Variants in DENND1B observed in about 807,000 individuals in gnomAD.
The protein encoded by DENND1B is DENN domain containing 1B, also known as DENN domain-containing protein 1B.
DENND1B carries 59 observed loss-of-function variants against 90.1 expected under a neutral mutation model. That is an observed-to-expected ratio of 0.65 (90% CI 0.53 to 0.81). The LOEUF (loss-of-function observed/expected upper bound fraction) is 0.81, where lower values mean the gene tolerates loss of function less well. DENND1B is among the 40% of genes least tolerant of loss of function. The pLI is 0.00. For missense variants in DENND1B, 862 were observed against 912.6 expected (o/e 0.94, Z 0.71); for synonymous variants, 337 against 324.6 (o/e 1.04, Z -0.41).
chr1:197,623,495 AAATT>A, intron 10 of DENND1B, among the ~76,000 whole-genome samples: 1 of 151,722 alleles, frequency 6.6e-6, no homozygotes, highest in Middle Eastern at 3.4e-3. Context: ...TCTAATATTC[AAATT>A]AAGTGAGACT....
At chr1:197,673,754 G>T (rs1191147424) in intron 4 of DENND1B, among the ~76,000 whole-genome samples, 1 of 152,040 alleles carries the variant, frequency 6.6e-6, no homozygotes, top group Non-Finnish European at 1.5e-5. Context: ...GATGAAGTGA[G>T]ATAGAAACCA....
At position 197,607,066 on chromosome 1, in the gene DENND1B, T is replaced by A; in HGVS notation, c.921+7A>T. 2 of 1,595,524 alleles carry A rather than the reference T, an allele frequency of 1.3e-6. No homozygotes were observed. Among genetic ancestry groups the A allele is most frequent in the Non-Finnish European group, 1.7e-6 (2 of 1,165,954 alleles). ...TATGTTCACCACTGAATAGCCTTCATACTTACCACATCACTTGGTAGGTTG... is the reference window on the plus strand; with the variant it reads ...TATGTTCACCACTGAATAGCCTTCAAACTTACCACATCACTTGGTAGGTTG... On this transcript the variant is annotated splice_region_variant and intron_variant, in intron 13 of 22. Transcript: ENST00000620048.
At chr1:197,749,584 T>A (rs745538496) in intron 2 of DENND1B, among the ~76,000 whole-genome samples, 7 of 152,128 alleles carry the variant, frequency 4.6e-5, no homozygotes, top group Non-Finnish European at 1.0e-4. Context: ...CATTTTCAGA[T>A]AAAATCTGAG....
At chr1:197,588,536 T>G (rs1037335317) in intron 14 of DENND1B, among the ~76,000 whole-genome samples, 2 of 152,164 alleles carry the variant, frequency 1.3e-5, no homozygotes, top group African/African-American at 4.8e-5. Flanking sequence ...ATTCAGTTCC[T>G]TAATGCACCT....
intron 12 of DENND1B, among the ~76,000 whole-genome samples, chr1:197,611,541 A>G (rs1299202938): frequency 6.6e-6 from 1 of 150,750 alleles, no homozygotes; most frequent in African/African-American, 2.4e-5. Context: ...TGAAGTCTGC[A>G]AAATAAAAAA....
At chr1:197,696,074 T>G (rs1241332058) in intron 3 of DENND1B, among the ~76,000 whole-genome samples, 1 of 151,370 alleles carries the variant, frequency 6.6e-6, no homozygotes, top group Non-Finnish European at 1.5e-5. Flanking sequence ...CCTTTTTATA[T>G]TCAATAATGA....
chr1:197,617,225 AG>A (rs1221549618), intron 11 of DENND1B, among the ~76,000 whole-genome samples: 1 of 151,046 alleles, frequency 6.6e-6, no homozygotes, highest in African/African-American at 2.4e-5. Context: ...TTGAAAAAAG[AG>A]GGGTAAAGAA....
At chr1:197,736,395 T>C (rs1304585022) in intron 2 of DENND1B, among the ~76,000 whole-genome samples, 2 of 152,148 alleles carry the variant, frequency 1.3e-5, no homozygotes, top group Non-Finnish European at 2.9e-5. Context: ...CTTGCTCAGG[T>C]TGGAGTACAG....
chr1:197,655,678 C>A (rs1653738238), intron 6 of DENND1B, among the ~76,000 whole-genome samples: 1 of 152,044 alleles, frequency 6.6e-6, no homozygotes, highest in Non-Finnish European at 1.5e-5. Flanking sequence ...ACTACAGGCG[C>A]CCGCCACCAC....
intron 11 of DENND1B, among the ~76,000 whole-genome samples, chr1:197,615,935 T>G (rs1677608105): frequency 6.6e-6 from 1 of 150,980 alleles, no homozygotes; most frequent in Non-Finnish European, 1.5e-5. Flanking sequence ...ACAAGCTTAC[T>G]TCATTGAATT....
At chr1:197,734,097 A>T (rs1662404690) in intron 2 of DENND1B, 37 of 961,802 alleles carry the variant, frequency 3.8e-5, no homozygotes, top group Non-Finnish European at 4.5e-5. Context: ...GAAGGACCCA[A>T]TCAAAATGCA....
intron 15 of DENND1B, among the ~76,000 whole-genome samples, chr1:197,566,821 G>A (rs1672713164): frequency 6.6e-6 from 1 of 151,876 alleles, no homozygotes; most frequent in Non-Finnish European, 1.5e-5. Context: ...TCCTGGAAAA[G>A]GTGTATCTGA....
In DENND1B at chr1:197,754,925, C is replaced by A. The variant is rs542268007; in HGVS notation, c.82+17943G>T. Among the ~76,000 whole-genome samples the A allele has an allele frequency of 3.3e-5, 5 of 152,190 alleles. No individual in the cohort carries two copies. In the East Asian group the frequency reaches 9.7e-4, roughly 29 times the overall value. On this transcript the variant is annotated intron_variant, in intron 2 of 22. Transcript: ENST00000620048. ...TGTTATTTTCTTCTTCTATTTGAAT[C>A]TTTTGCAATGGGCCTGGAGTTTTTT... is the stretch of plus-strand genomic sequence containing the variant.
At chr1:197,698,119 C>A (rs1234706773) in intron 3 of DENND1B, among the ~76,000 whole-genome samples, 2 of 152,100 alleles carry the variant, frequency 1.3e-5, no homozygotes, top group Non-Finnish European at 2.9e-5. Context: ...AATATACATT[C>A]TTCTCAGTGC....
At chr1:197,776,993 AATT>A (rs1657303324), upstream of DENND1B, among the ~76,000 whole-genome samples, 1 of 152,186 alleles carries the variant, frequency 6.6e-6, no homozygotes, top group East Asian at 1.9e-4. Flanking sequence ...TCTTTTGAGA[AATT>A]ATTCTGTGAA....
At chr1:197,725,443 A>C (rs1282284135) in intron 2 of DENND1B, among the ~76,000 whole-genome samples, 1 of 152,092 alleles carries the variant, frequency 6.6e-6, no homozygotes, top group African/African-American at 2.4e-5. Context: ...GTAACAGAAA[A>C]ATTCTTTTTT....
chr1:197,751,960 G>A (rs917527964), intron 2 of DENND1B, among the ~76,000 whole-genome samples: 2 of 118,940 alleles, frequency 1.7e-5, no homozygotes, highest in African/African-American at 6.1e-5. Context: ...GGAGGAAGGG[G>A]GGAGGAGGAG....
intron 2 of DENND1B, chr1:197,746,712 A>G: frequency 1.5e-5 from 13 of 885,270 alleles, no homozygotes; most frequent in Middle Eastern, 3.4e-4. Flanking sequence ...TAAATTGAGC[A>G]TTTGAGTCCA....
chr1:197,546,275 A>T (rs1237259750), intron 17 of DENND1B, among the ~76,000 whole-genome samples: 3 of 152,212 alleles, frequency 2.0e-5, no homozygotes, highest in Non-Finnish European at 4.4e-5. Flanking sequence ...TATGACTAGT[A>T]ATTTGAATAT....
Sources: gnomAD v4.1 joint callset for allele counts (sites outside exome capture counted in the v4.1 genomes callset) on GRCh38, gnomAD v4.1.1 for gene constraint, MANE v1.5 for transcripts, NCBI Gene and HGNC (gene_info 2026-07-23, HGNC 2026-07-21) for gene names.